The following ACAD11 variants were observed in gnomAD, a reference collection of about 807,000 sequenced individuals.
The protein encoded by ACAD11 is acyl-Coenzyme A dehydrogenase family, member 11.
A neutral mutation model predicts 102.2 loss-of-function variants in ACAD11; 83 were observed. The observed-to-expected ratio is 0.81, with a 90% CI of 0.68 to 0.97. ACAD11 has a LOEUF of 0.97. Among genes scored for constraint, ACAD11 ranks in the 50% least tolerant of loss-of-function variants. The probability of loss-of-function intolerance (pLI) is 0.00; values close to 1 mark genes in which losing one functional copy is unlikely to be tolerated. For missense variants in ACAD11, 901 were observed against 951.7 expected (o/e 0.95, Z 0.70); for synonymous variants, 324 against 319.8 (o/e 1.01, Z -0.14).
rs561678374 is a variant in ACAD11 at position 132,604,627 on chromosome 3, CAT to C, written c.1522+469_1522+470del. Among the ~76,000 whole-genome samples the C allele has an allele frequency of 1.6e-4, 24 of 152,244 alleles. No individual in the cohort carries two copies. The South Asian group carries it at 5.0e-3, about 32-fold the overall frequency. ...ATGATATTAAATCTGTTTTTATTGA[CAT>C]GTTCCTTTATTTTCCCACATGATTA... On this transcript the variant is annotated intron_variant, in intron 12 of 19. Coordinates refer to ENST00000264990, the MANE Select transcript of ACAD11 (RefSeq NM_032169.5).
chr3:132,638,504 A>G (rs1354419478), intron 5 of ACAD11, among the ~76,000 whole-genome samples: 1 of 152,218 alleles, frequency 6.6e-6, no homozygotes, highest in Admixed American at 6.5e-5. Flanking sequence ...TGAATAATTA[A>G]CTAAAATTAA....
chr3:132,639,635 A>C lies in ACAD11; in HGVS notation c.559T>G (p.Tyr187Asp). 6.2e-7 allele frequency: 1 copy of C among 1,613,514 alleles called. No homozygotes were observed. The highest frequency in any genetic ancestry group is 8.5e-7 in the Non-Finnish European group (1 of 1,179,746). Residue 187 changes from tyrosine to aspartate, a missense_variant, in exon 5 of 20, where the codon TAT becomes GAT. Coordinates refer to ENST00000264990, the MANE Select transcript of ACAD11 (RefSeq NM_032169.5). ...KRQVSTWTKQ[Y>D]QAAAHQDIPA... ...ATGTCCTGATGAGCTGCAGCTTGATATTGCTTTGTCCAGGTTGATACCTAA... is the reference window on the plus strand; with the variant it reads ...ATGTCCTGATGAGCTGCAGCTTGATCTTGCTTTGTCCAGGTTGATACCTAA...
chr3:132,636,821 G>T (rs187115393), intron 5 of ACAD11, among the ~76,000 whole-genome samples: 96 of 152,210 alleles, frequency 6.3e-4, no homozygotes, highest in Non-Finnish European at 1.0e-3. Context: ...GAACTTTGAG[G>T]GGCATGGTGT....
At chr3:132,610,620 T>C (rs1215528831) in intron 11 of ACAD11, among the ~76,000 whole-genome samples, 1 of 152,142 alleles carries the variant, frequency 6.6e-6, no homozygotes, top group Admixed American at 6.5e-5. Context: ...CTAGAAAATC[T>C]AGAAGAAATG....
At chr3:132,609,364 A>G (rs189616741) in intron 11 of ACAD11, among the ~76,000 whole-genome samples, 58 of 152,272 alleles carry the variant, frequency 3.8e-4, no homozygotes, top group Middle Eastern at 3.4e-3. Flanking sequence ...TGTTTTTTTG[A>G]AAAGGTTAAC....
At chr3:132,568,353 T>G (rs186544679) in intron 17 of ACAD11, among the ~76,000 whole-genome samples, 1 of 152,180 alleles carries the variant, frequency 6.6e-6, no homozygotes, top group Non-Finnish European at 1.5e-5. Context: ...TGCTGAAAAC[T>G]ACACACAGAT....
intron 1 of ACAD11, among the ~76,000 whole-genome samples, chr3:132,649,421 TTACTC>T (rs1057108406): frequency 6.6e-6 from 1 of 152,222 alleles, no homozygotes; most frequent in African/African-American, 2.4e-5. Flanking sequence ...CTGTTACTCT[TTACTC>T]TACTGAGATG....
rs981241784 is a variant in ACAD11 at position 132,631,242 on chromosome 3, AAACT to A, written c.841+95_841+98del. 82 of 646,882 alleles carry A rather than the reference AAACT, an allele frequency of 1.3e-4. No individual in the cohort carries two copies. In the African/African-American group the frequency reaches 1.4e-3, roughly 11 times the overall value. 40.1% of individuals were successfully genotyped at this position (646,882 alleles called of 1,614,324 possible). A position where few individuals can be genotyped will look rare whatever the true frequency, so the allele number is the denominator to read the frequency against. On this transcript the variant is annotated intron_variant, in intron 6 of 19. Coordinates refer to ENST00000264990, the MANE Select transcript of ACAD11 (RefSeq NM_032169.5). ...TAAAATAGAAATGTTTAAGAAACAA[AAACT>A]ATTATCTAAAATTGCAAGATTTATA...
At chr3:132,588,192 G>GGTATGTATGTAT (rs3045373) in intron 13 of ACAD11, among the ~76,000 whole-genome samples, 3,236 of 150,784 alleles carry the variant, frequency 0.021, 135 homozygotes, top group African/African-American at 0.074. Flanking sequence ...CAGGCAGGCA[G>GGTATGTATGTAT]GTATGTATGT....
At chr3:132,627,468 G>C (rs1433468871) in intron 8 of ACAD11, among the ~76,000 whole-genome samples, 3 of 152,212 alleles carry the variant, frequency 2.0e-5, no homozygotes, top group Non-Finnish European at 4.4e-5. Flanking sequence ...AAGCAAAGAA[G>C]TTGAATTGAA....
chr3:132,562,716 C>T (rs554732966), intron 17 of ACAD11, among the ~76,000 whole-genome samples: 11 of 152,326 alleles, frequency 7.2e-5, no homozygotes, highest in Admixed American at 2.6e-4. Context: ...TTTGCCATCT[C>T]TATACCTCTT....
intron 11 of ACAD11, among the ~76,000 whole-genome samples, chr3:132,605,461 G>A (rs1266637610): frequency 6.6e-6 from 1 of 152,150 alleles, no homozygotes; most frequent in Non-Finnish European, 1.5e-5. Flanking sequence ...ATGAAGAATG[G>A]CACTAATGAC....
chr3:132,639,457 C>A, intron 5 of ACAD11, 35 bp downstream of exon 5: 2 of 1,595,246 alleles, frequency 1.3e-6, no homozygotes, highest in South Asian at 1.1e-5. Flanking sequence ...ACAAAACAGA[C>A]CTACTCAATT....
intron 17 of ACAD11, among the ~76,000 whole-genome samples, chr3:132,568,607 T>C (rs11719825): frequency 6.6e-6 from 1 of 152,076 alleles, no homozygotes; most frequent in African/African-American, 2.4e-5. Flanking sequence ...AGACTGACTA[T>C]GTAACCACAG....
Position 132,603,216 on chromosome 3 carries a change from G to A in ACAD11, c.1621+13C>T, listed in dbSNP as rs776768871. 6.2e-7 allele frequency: 1 copy of A among 1,609,180 alleles called. No homozygotes were observed. Among genetic ancestry groups the A allele is most frequent in the South Asian group, 1.1e-5 (1 of 90,934 alleles). ...TCAGTGTGTTAGGTGAAAAAATTAGGCTGAACACTCACCACTGCTCCACCA... is the reference window on the plus strand; with the variant it reads ...TCAGTGTGTTAGGTGAAAAAATTAGACTGAACACTCACCACTGCTCCACCA... On this transcript the variant is annotated intron_variant, in intron 13 of 19. Coordinates refer to ENST00000264990, the MANE Select transcript of ACAD11 (RefSeq NM_032169.5).
At chr3:132,646,284 A>G (rs1435653188) in intron 1 of ACAD11, 1 of 151,796 alleles carries the variant, frequency 6.6e-6, no homozygotes, top group Admixed American at 6.6e-5. Context: ...TCACAAACAC[A>G]TTTTTTAAAA....
rs1576539491 is a variant in ACAD11, at chr3:132,558,961, G to C, written c.*10C>G. ...GTTTCTGCCAGTGGGATGTGGCAGT[G>C]CCACCCTCCTTATATCTTGGCTGTC... is the stretch of plus-strand genomic sequence containing the variant. On this transcript the variant is annotated 3_prime_UTR_variant, in exon 20 of 20. Transcript: ENST00000264990. 5 of 1,601,614 alleles carry C rather than the reference G, an allele frequency of 3.1e-6. No homozygotes were observed. The highest frequency in any genetic ancestry group is 1.1e-5 in the South Asian group (1 of 90,266).
At chr3:132,603,663 A>G (rs1017562513) in intron 12 of ACAD11, among the ~76,000 whole-genome samples, 33 of 152,210 alleles carry the variant, frequency 2.2e-4, no homozygotes, top group African/African-American at 7.7e-4. Context: ...CACAATGGAG[A>G]TATGTACTAA....
intron 1 of ACAD11, 30 bp from the exon 2 acceptor site, chr3:132,644,926 A>C (rs763340541): frequency 5.9e-6 from 8 of 1,345,868 alleles, no homozygotes; most frequent in African/African-American, 2.9e-5. Flanking sequence ...AAAAAGGTCA[A>C]TTACAAAGAT....
Sources: gnomAD v4.1 joint callset for allele counts (sites outside exome capture counted in the v4.1 genomes callset) on GRCh38, gnomAD v4.1.1 for gene constraint, MANE v1.5 for transcripts, NCBI Gene and HGNC (gene_info 2026-07-23, HGNC 2026-07-21) for gene names.